Variants in CDKAL1 observed in about 807,000 individuals in gnomAD.
CDKAL1 encodes CDKAL1 threonylcarbamoyladenosine tRNA methylthiotransferase.
A neutral mutation model predicts 68.2 loss-of-function variants in CDKAL1; 32 were observed. The observed-to-expected ratio is 0.47, with a 90% CI of 0.35 to 0.63. CDKAL1 has a LOEUF of 0.63. CDKAL1 is among the 30% of genes least tolerant of loss of function. CDKAL1 has a pLI of 0.00. For synonymous variants in CDKAL1, 234 were observed against 244.3 expected (o/e 0.96, Z 0.39); for missense variants, 606 against 696.7 (o/e 0.87, Z 1.47).
chr6:20,672,857 G>T (rs1250183717), intron 5 of CDKAL1, among the ~76,000 whole-genome samples: 1 of 151,702 alleles, frequency 6.6e-6, no homozygotes, highest in African/African-American at 2.4e-5. Context: ...GCTCACTGCA[G>T]CCTCTGCCCC....
chr6:20,804,519 A>G (rs1372819003), intron 8 of CDKAL1, among the ~76,000 whole-genome samples: 1 of 152,234 alleles, frequency 6.6e-6, no homozygotes, highest in Non-Finnish European at 1.5e-5. Context: ...ATAATTTGTG[A>G]TACATGAAGA....
At chr6:20,972,651 G>A (rs1224246773) in intron 10 of CDKAL1, among the ~76,000 whole-genome samples, 1 of 152,162 alleles carries the variant, frequency 6.6e-6, no homozygotes, top group African/African-American at 2.4e-5. Flanking sequence ...TTTGGAACGT[G>A]GGTCATCAGT....
intron 11 of CDKAL1, among the ~76,000 whole-genome samples, chr6:21,062,058 C>A (rs1233554139): frequency 6.6e-6 from 1 of 152,120 alleles, no homozygotes; most frequent in Non-Finnish European, 1.5e-5. Context: ...GTCACTATGA[C>A]CCTTAAGGCC....
chr6:21,051,321 C>T (rs1050062943), intron 11 of CDKAL1, among the ~76,000 whole-genome samples: 1 of 152,176 alleles, frequency 6.6e-6, no homozygotes, highest in South Asian at 2.1e-4. Flanking sequence ...CTGCACTAAG[C>T]CAAGATCACA....
chr6:20,642,962 A>G (rs944041278), intron 4 of CDKAL1, among the ~76,000 whole-genome samples: 3 of 152,084 alleles, frequency 2.0e-5, no homozygotes, highest in African/African-American at 7.2e-5. Flanking sequence ...AAATAATAAG[A>G]TATTGAAATC....
chr6:20,951,318 T>C (rs1236266916), intron 9 of CDKAL1, among the ~76,000 whole-genome samples: 1 of 152,240 alleles, frequency 6.6e-6, no homozygotes, highest in Non-Finnish European at 1.5e-5. Flanking sequence ...TACATAGTTA[T>C]AGTGAGCCAT....
At chr6:21,069,774 CT>C (rs60241965) in intron 12 of CDKAL1, among the ~76,000 whole-genome samples, 13,242 of 68,514 alleles carry the variant, frequency 0.19, 875 homozygotes, top group African/African-American at 0.23. Context: ...GATTTTCTTT[CT>C]TTTTTTTTTT....
At chr6:21,116,726 A>G (rs1436045479) in intron 13 of CDKAL1, among the ~76,000 whole-genome samples, 1 of 152,198 alleles carries the variant, frequency 6.6e-6, no homozygotes, top group Admixed American at 6.5e-5. Context: ...GGAAAAGGCA[A>G]AGTTCATGAT....
At chr6:21,008,740 T>A (rs947264770) in intron 11 of CDKAL1, among the ~76,000 whole-genome samples, 5 of 152,128 alleles carry the variant, frequency 3.3e-5, no homozygotes, top group African/African-American at 1.2e-4. Context: ...GCACCGTATA[T>A]ATGGCAGGAA....
At chr6:21,024,448 G>A (rs980194992) in intron 11 of CDKAL1, among the ~76,000 whole-genome samples, 1 of 151,966 alleles carries the variant, frequency 6.6e-6, no homozygotes, top group East Asian at 1.9e-4. Flanking sequence ...AGGAACTCAA[G>A]ACCAGCCTGG....
chr6:20,965,892 C>T (rs1179930434), intron 10 of CDKAL1, among the ~76,000 whole-genome samples: 1 of 152,182 alleles, frequency 6.6e-6, no homozygotes, highest in African/African-American at 2.4e-5. Context: ...TTCAGAAGCA[C>T]AGAGAATGGC....
chr6:21,120,801 G>T (rs1774673043), intron 13 of CDKAL1, among the ~76,000 whole-genome samples: 1 of 151,946 alleles, frequency 6.6e-6, no homozygotes, highest in Non-Finnish European at 1.5e-5. Flanking sequence ...TAAAAAAATA[G>T]CTGTATATAT....
chr6:21,085,221 G>C (rs1225498067), intron 12 of CDKAL1, among the ~76,000 whole-genome samples: 1 of 152,186 alleles, frequency 6.6e-6, no homozygotes, highest in Non-Finnish European at 1.5e-5. Context: ...CGGGAGTCAT[G>C]TAAGTCTCTT....
intron 12 of CDKAL1, among the ~76,000 whole-genome samples, chr6:21,099,209 G>A (rs1010344164): frequency 6.6e-6 from 1 of 152,142 alleles, no homozygotes; most frequent in Non-Finnish European, 1.5e-5. Flanking sequence ...TTTAGAGCAA[G>A]GGTTAGTAAA....
At chr6:21,066,260 C>A (rs1292520641) in intron 12 of CDKAL1, among the ~76,000 whole-genome samples, 1 of 151,858 alleles carries the variant, frequency 6.6e-6, no homozygotes, top group Admixed American at 6.6e-5. Flanking sequence ...TTGTTTTCCC[C>A]AAATTTTCCT....
intron 4 of CDKAL1, among the ~76,000 whole-genome samples, chr6:20,560,363 T>C (rs959014259): frequency 3.9e-5 from 6 of 152,182 alleles, no homozygotes; most frequent in African/African-American, 1.4e-4. Flanking sequence ...CCGTCTGCAA[T>C]ATGTGTGCTG....
chr6:20,905,625 C>G, intron 9 of CDKAL1, among the ~76,000 whole-genome samples: 1 of 152,026 alleles, frequency 6.6e-6, no homozygotes, highest in Non-Finnish European at 1.5e-5. Context: ...CTCAGAGACC[C>G]ACATCGAGAC....
At chr6:20,943,359 GAAA>G (rs1764087046) in intron 9 of CDKAL1, among the ~76,000 whole-genome samples, 1 of 138,456 alleles carries the variant, frequency 7.2e-6, no homozygotes, top group African/African-American at 2.8e-5. Context: ...AAGAAAAAAA[GAAA>G]AAAAAAGTAA....
intron 9 of CDKAL1, among the ~76,000 whole-genome samples, chr6:20,877,028 A>G (rs1425047611): frequency 6.6e-6 from 1 of 152,146 alleles, no homozygotes; most frequent in Non-Finnish European, 1.5e-5. Flanking sequence ...TGTGTATTGG[A>G]AGGTCTGGTG....
Sources: allele counts gnomAD v4.1 joint callset (sites outside exome capture counted in the v4.1 genomes callset), GRCh38; gene constraint gnomAD v4.1.1; transcripts MANE v1.5; gene names NCBI Gene and HGNC (gene_info 2026-07-23, HGNC 2026-07-21).